TFB1M: variants seen among roughly 807,000 people sequenced by gnomAD.
TFB1M encodes the protein dimethyladenosine transferase 1, mitochondrial.
A neutral mutation model predicts 31.1 loss-of-function variants in TFB1M; 27 were observed. The ratio of observed to expected loss-of-function variants is 0.87; its 90% CI spans 0.64 to 1.20. The LOEUF is 1.20. Ranked by LOEUF, TFB1M falls within the 50% of genes most tolerant of loss-of-function variation. The pLI, the probability that TFB1M is intolerant of heterozygous loss-of-function variation, is 0.00. For synonymous variants in TFB1M, 166 were observed against 151.8 expected (o/e 1.09, Z -0.69); for missense variants, 394 against 418.7 (o/e 0.94, Z 0.51).
At chr6:155,243,165 C>T in the TFB1M span, among the ~76,000 whole-genome samples, 5 of 152,172 alleles carry the variant, frequency 3.3e-5, no homozygotes, top group African/African-American at 1.2e-4. Context: ...AGAGTTTAGC[C>T]ATTAGAGCTG....
chr6:155,253,817 G>C (rs1783828206), downstream of TFB1M: 1 of 577,304 alleles, frequency 1.7e-6, no homozygotes, highest in Non-Finnish European at 3.0e-6. Context: ...TCTTGTAACT[G>C]TGAAAATCAT....
chr6:155,244,586 G>T, the TFB1M span: 3 of 1,517,008 alleles, frequency 2.0e-6, no homozygotes, highest in Admixed American at 2.1e-5. Context: ...TTTATTTGTG[G>T]GCCTAAGAGT....
In TFB1M at chr6:155,258,086, A is replaced by C. The variant is rs1156889038; in HGVS notation, c.795-4T>G. The C allele has an allele frequency of 1.2e-6, 2 of 1,614,156 alleles. No individual in the cohort carries two copies. Among genetic ancestry groups the C allele is most frequent in the Admixed American group, 3.3e-5 (2 of 60,024 alleles). ...CTGCGCTTCAGGGAATAACATTCTG[A>C]GGGGAAGACAGACAGACAGAAAAAT... is the stretch of plus-strand genomic sequence containing the variant. On this transcript the variant is annotated splice_region_variant and splice_polypyrimidine_tract_variant and intron_variant, in intron 6 of 6. Coordinates refer to ENST00000367166, the MANE Select transcript of TFB1M (RefSeq NM_016020.4).
At chr6:155,261,474 A>G (rs1053269718) in intron 5 of TFB1M, among the ~76,000 whole-genome samples, 3 of 152,240 alleles carry the variant, frequency 2.0e-5, no homozygotes, top group Non-Finnish European at 4.4e-5. Context: ...AATTCCTTAA[A>G]CAGATGAAAA....
At chr6:155,275,898 G>A (rs1785176168) in intron 5 of TFB1M, 1 of 1,614,092 alleles carries the variant, frequency 6.2e-7, no homozygotes, top group Non-Finnish European at 8.5e-7. Context: ...TACAGCACTG[G>A]GATGTTCAGC....
At chr6:155,246,221 T>C in the TFB1M span, among the ~76,000 whole-genome samples, 1 of 152,182 alleles carries the variant, frequency 6.6e-6, no homozygotes. Flanking sequence ...TCGGTGTTTC[T>C]CTCTGCGTGG....
the TFB1M span, among the ~76,000 whole-genome samples, chr6:155,242,451 G>A: frequency 2.2e-4 from 33 of 152,168 alleles, no homozygotes; most frequent in African/African-American, 7.7e-4. Flanking sequence ...TTCTCTGAGC[G>A]GTCTGGCGTG....
chr6:155,268,403 C>CATA (rs1491364870), intron 5 of TFB1M, among the ~76,000 whole-genome samples: 2 of 152,214 alleles, frequency 1.3e-5, no homozygotes, highest in East Asian at 3.8e-4. Flanking sequence ...AGGTCTCTCT[C>CATA]ATAAGCCTGT....
chr6:155,266,725 T>C (rs1393943849), intron 5 of TFB1M, among the ~76,000 whole-genome samples: 1 of 151,558 alleles, frequency 6.6e-6, no homozygotes, highest in Non-Finnish European at 1.5e-5. Context: ...CGGCCGCCTG[T>C]AGTCCCCGCT....
At chr6:155,277,237 T>A (rs1443355238) in intron 5 of TFB1M, among the ~76,000 whole-genome samples, 2 of 152,252 alleles carry the variant, frequency 1.3e-5, no homozygotes, top group Admixed American at 6.5e-5. Context: ...CATATTTGGA[T>A]GATAAAAGTT....
intron 2 of TFB1M, chr6:155,310,867 G>T: frequency 1.5e-5 from 4 of 275,322 alleles, no homozygotes; most frequent in East Asian, 8.2e-5. Flanking sequence ...ATTTATTTTT[G>T]AAGGAATGGG....
chr6:155,285,222 T>A lies in TFB1M; in HGVS notation c.602A>T (p.Gln201Leu). The A allele has an allele frequency of 1.2e-6, 2 of 1,614,068 alleles. No homozygotes were observed. Among genetic ancestry groups the A allele is most frequent in the Non-Finnish European group, 1.7e-6 (2 of 1,179,904 alleles). ...GATGTGTCGAACATTGCAGAGGTACTGAGCCATAACAGAGAGGCGACTACG... is the reference window on the plus strand; with the variant it reads ...GATGTGTCGAACATTGCAGAGGTACAGAGCCATAACAGAGAGGCGACTACG... Reference protein sequence around the residue: ...KQRSRLSVMAQYLCNVRHIFT... With the variant: ...KQRSRLSVMALYLCNVRHIFT... Residue 201 changes from glutamine to leucine, a missense_variant, in exon 5 of 7, where the codon CAG (glutamine) becomes CTG (leucine). Gln to Leu is a moderately radical substitution (Grantham distance 113). This residue lies in a region of TFB1M where 273 missense variants were observed against 256.4 expected (regional missense o/e 1.06). Coordinates refer to ENST00000367166, the MANE Select transcript of TFB1M (RefSeq NM_016020.4).
chr6:155,286,585 GTATATGTGTGTATATATGTGTGTATA>G (rs1562407860), intron 4 of TFB1M, among the ~76,000 whole-genome samples: 1 of 146,430 alleles, frequency 6.8e-6, no homozygotes, highest in Non-Finnish European at 1.5e-5. Context: ...ATGTGTATAT[GTATATGTGTGTATATATGTGTGTATA>G]TATATGTGTA....
intron 5 of TFB1M, chr6:155,275,901 T>G: frequency 3.7e-6 from 6 of 1,614,152 alleles, no homozygotes; most frequent in Non-Finnish European, 5.1e-6. Flanking sequence ...AGCACTGGGA[T>G]GTTCAGCTGT....
At position 155,276,534 on chromosome 6, in the gene TFB1M, T is replaced by G. The variant is rs77018521; in HGVS notation, c.666+8624A>C. ...AAGTAGTTTAAAATGCCAATAAAACTATCATATACAATTACATCTGTCTGA... is the reference window on the plus strand; with the variant it reads ...AAGTAGTTTAAAATGCCAATAAAACGATCATATACAATTACATCTGTCTGA... On this transcript the variant is annotated intron_variant, in intron 5 of 6. Transcript: ENST00000367166. The G allele has an allele frequency of 1.2e-3, 783 of 652,822 alleles. 5 individuals are homozygous for G. The African/African-American group carries it at 0.013, about 11-fold the overall frequency. The allele number at this position is 652,822 out of a possible 1,614,324, so 40.4% of individuals were successfully genotyped here.
At chr6:155,285,061 A>G in intron 5 of TFB1M, 97 bp downstream of exon 5, 2 of 1,515,350 alleles carry the variant, frequency 1.3e-6, no homozygotes, top group Non-Finnish European at 1.8e-6. Context: ...TTGCACATAA[A>G]CAAAGGTTAG....
chr6:155,305,724 T>A lies in TFB1M; in HGVS notation c.285+5464A>T, dbSNP rs1160143226. On this transcript the variant is annotated intron_variant, in intron 2 of 6. Coordinates refer to ENST00000367166, the MANE Select transcript of TFB1M (RefSeq NM_016020.4). ...AAATATATATTAAATTATATATTTA[T>A]ATATATATTAAATTATATATTTATA... Among the ~76,000 whole-genome samples, 167 of 19,354 alleles carry A rather than the reference T, an allele frequency of 8.6e-3. 2 individuals are homozygous for A. The highest frequency in any genetic ancestry group is 0.022 in the African/African-American group (160 of 7,378). 12.7% of individuals were successfully genotyped at this position (19,354 alleles called of 152,430 possible).
chr6:155,305,974 C>T (rs1777745324), intron 2 of TFB1M, among the ~76,000 whole-genome samples: 2 of 151,098 alleles, frequency 1.3e-5, no homozygotes, highest in Non-Finnish European at 2.9e-5. Context: ...TCTGACAAAG[C>T]CTCACATCTG....
intron 4 of TFB1M, among the ~76,000 whole-genome samples, chr6:155,296,256 C>T (rs934413875): frequency 3.3e-5 from 5 of 151,776 alleles, no homozygotes; most frequent in African/African-American, 1.2e-4. Context: ...TTGATTATCA[C>T]ATTCTTCCCG....
Sources: gnomAD v4.1 joint callset for allele counts (sites outside exome capture counted in the v4.1 genomes callset) on GRCh38, gnomAD v4.1.1 for gene constraint, gnomAD v4.1.1 regional missense constraint, MANE v1.5 for transcripts, NCBI Gene and HGNC (gene_info 2026-07-23, HGNC 2026-07-21) for gene names.